Variants in ATR observed in about 807,000 individuals in gnomAD.
The protein encoded by ATR is ATR checkpoint kinase.
ATR carries 142 observed loss-of-function variants against 305.3 expected under a neutral mutation model. That is an observed-to-expected ratio of 0.47 (90% CI 0.41 to 0.53). The LOEUF is 0.53. Among genes scored for constraint, ATR ranks in the 20% least tolerant of loss-of-function variants. ATR has a pLI of 0.00. For missense variants in ATR, 2,135 were observed against 3,133.1 expected, an observed-to-expected ratio of 0.68 and a Z score of 7.60; for synonymous variants, 1,050 against 1,068.1, an observed-to-expected ratio of 0.98 and a Z score of 0.33.
At chr3:142,496,297 T>TGATG in intron 34 of ATR, 64 bp downstream of exon 34, 1 of 118,466 alleles carries the variant, frequency 8.4e-6, no homozygotes, top group Non-Finnish European at 1.4e-5. Flanking sequence ...TATATATATA[T>TGATG]ATATATATAT....
intron 16 of ATR, among the ~76,000 whole-genome samples, chr3:142,543,511 TTC>T (rs976605639): frequency 9.4e-5 from 14 of 148,802 alleles, no homozygotes; most frequent in African/African-American, 2.2e-4. Context: ...TCCTCCCTCT[TTC>T]TCTTTCTTTC....
chr3:142,489,426 A>G (rs1035808977), intron 35 of ATR, among the ~76,000 whole-genome samples: 1 of 152,210 alleles, frequency 6.6e-6, no homozygotes, highest in African/African-American at 2.4e-5. Flanking sequence ...GAACATTCCT[A>G]ACTCTCGAAA....
intron 1 of ATR, among the ~76,000 whole-genome samples, chr3:142,572,122 C>A (rs2035286703): frequency 2.0e-5 from 3 of 149,816 alleles, no homozygotes; most frequent in Non-Finnish European, 3.0e-5. Flanking sequence ...CAGGCTGGAG[C>A]GCAGTGGTGT....
chr3:142,488,194 A>T (rs1016366600), intron 35 of ATR, among the ~76,000 whole-genome samples: 2 of 152,058 alleles, frequency 1.3e-5, no homozygotes, highest in Non-Finnish European at 2.9e-5. Context: ...TTCTTTCCCT[A>T]AGGTTAAGTT....
chr3:142,475,812 T>C (rs1285103145), intron 36 of ATR, among the ~76,000 whole-genome samples: 1 of 152,230 alleles, frequency 6.6e-6, no homozygotes, highest in East Asian at 1.9e-4. Context: ...AGATGGTATC[T>C]CATTGTGGTT....
intron 7 of ATR, 83 bp downstream of exon 7, chr3:142,559,168 T>C: frequency 2.1e-6 from 3 of 1,451,602 alleles, no homozygotes; most frequent in Non-Finnish European, 2.9e-6. Flanking sequence ...AACACGCACT[T>C]AGGCTTCAGG....
chr3:142,571,651 T>C (rs897560835), intron 1 of ATR, among the ~76,000 whole-genome samples: 2 of 152,184 alleles, frequency 1.3e-5, no homozygotes, highest in Non-Finnish European at 2.9e-5. Context: ...CAGTTACTTA[T>C]AAATAATAGC....
intron 45 of ATR, among the ~76,000 whole-genome samples, chr3:142,456,078 G>A (rs1039922170): frequency 6.6e-6 from 1 of 152,318 alleles, no homozygotes; most frequent in African/African-American, 2.4e-5. Flanking sequence ...CACTTTGGGA[G>A]GCTGAGGAAG....
At chr3:142,486,542 T>C (rs2030936618) in intron 35 of ATR, among the ~76,000 whole-genome samples, 1 of 152,128 alleles carries the variant, frequency 6.6e-6, no homozygotes, top group Non-Finnish European at 1.5e-5. Flanking sequence ...AAAATTCACA[T>C]ACTGAAAAAT....
Position 142,562,325 on chromosome 3 carries a change from A to G in ATR, c.1077T>C (p.Ala359=). 1 of 1,614,148 alleles carries G rather than the reference A, an allele frequency of 6.2e-7. No homozygotes were observed. The highest frequency in any genetic ancestry group is 8.5e-7 in the Non-Finnish European group (1 of 1,180,000). ...TGACTTGTAAAGCAGATTCATACCCAGCTGGCACAAATTTAAGGAAATACT... is the reference window on the plus strand; with the variant it reads ...TGACTTGTAAAGCAGATTCATACCCGGCTGGCACAAATTTAAGGAAATACT... ...LLQYFLKFVP[A]GYESALQVRK... The change falls in exon 4 of 47, where the codon GCT becomes GCC. Residue 359 remains alanine, a synonymous_variant. Coordinates refer to ENST00000350721, the MANE Select transcript of ATR (RefSeq NM_001184.4).
chr3:142,463,152 T>G (rs1189946032), intron 41 of ATR, among the ~76,000 whole-genome samples: 1 of 152,166 alleles, frequency 6.6e-6, no homozygotes, highest in Non-Finnish European at 1.5e-5. Context: ...AAAACTATGT[T>G]AGTAAATATG....
Position 142,480,853 on chromosome 3 carries a change from A to G in ATR, c.6221+4287T>C, listed in dbSNP as rs139603892. On this transcript the variant is annotated intron_variant, in intron 36 of 46. Coordinates refer to ENST00000350721, the MANE Select transcript of ATR (RefSeq NM_001184.4). Reference sequence around the variant, plus strand: ...ATCTCAGACTGCTATGCTAGCAATGAGAGAGGCTCCGTGGGCATGGGACCT... The same window carrying G: ...ATCTCAGACTGCTATGCTAGCAATGGGAGAGGCTCCGTGGGCATGGGACCT... Among the ~76,000 whole-genome samples the G allele has an allele frequency of 3.3e-5, 5 of 152,274 alleles. No homozygotes were observed. In the East Asian group the frequency reaches 9.7e-4, roughly 29 times the overall value.
In ATR at chr3:142,493,252, T is replaced by C. The variant is rs1217687427; in HGVS notation, c.5958A>G (p.Glu1986=). Residue 1986 remains glutamate (E), a synonymous_variant, in exon 35 of 47, where the codon GAA becomes GAG. Coordinates refer to ENST00000350721, the MANE Select transcript of ATR (RefSeq NM_001184.4). The part of the protein sequence containing the change: ...LQKGVELCFP[E]NETPPEGKNM... ...TCTTACCCTCAGGTGGGGTTTCATT[T>C]TCAGGAAAACATAATTCAACACCTT... 6.2e-6 allele frequency: 10 copies of C among 1,613,884 alleles called. No homozygotes were observed. The highest frequency in any genetic ancestry group is 4.4e-5 in the South Asian group (4 of 91,018).
intron 36 of ATR, among the ~76,000 whole-genome samples, chr3:142,475,147 G>A (rs1044161427): frequency 2.6e-5 from 4 of 152,008 alleles, no homozygotes; most frequent in Non-Finnish European, 5.9e-5. Flanking sequence ...TGTGCACAAC[G>A]TGCAGGTTTT....
Position 142,459,108 on chromosome 3 carries a change from G to A in ATR, c.7353C>T (p.Tyr2451=), listed in dbSNP as rs1256278423. ...AACGGCAGTAAGCTGATCTACTACT[G>A]TACCTAAAAGAAACACAATGCCTAT... ...LRTFPDPTSW[Y]SSRSAYCRST... The change falls in exon 44 of 47, where the codon TAC becomes TAT. Residue 2451 remains tyrosine, a synonymous_variant. Coordinates refer to ENST00000350721, the MANE Select transcript of ATR (RefSeq NM_001184.4). 1 of 1,613,848 alleles carries A rather than the reference G, an allele frequency of 6.2e-7. No homozygotes were observed.
intron 15 of ATR, 86 bp from the exon 16 acceptor site, chr3:142,547,996 A>G: frequency 8.5e-7 from 1 of 1,178,444 alleles, no homozygotes; most frequent in South Asian, 1.3e-5. Context: ...TGCTATTAGT[A>G]CATCAGGAGC....
At chr3:142,502,088 G>A (rs575229709) in intron 30 of ATR, among the ~76,000 whole-genome samples, 1 of 152,226 alleles carries the variant, frequency 6.6e-6, no homozygotes, top group Non-Finnish European at 1.5e-5. Flanking sequence ...ATGTAGAAGG[G>A]GCTGCAGAGA....
At chr3:142,578,574 G>T in intron 1 of ATR, 72 bp downstream of exon 1, 1 of 1,509,880 alleles carries the variant, frequency 6.6e-7, no homozygotes, top group Non-Finnish European at 9.1e-7. Flanking sequence ...CAGCAGGGGA[G>T]GGGAGAGCAC....
intron 35 of ATR, among the ~76,000 whole-genome samples, chr3:142,490,848 T>G (rs2031235894): frequency 6.6e-6 from 1 of 152,164 alleles, no homozygotes; most frequent in African/African-American, 2.4e-5. Flanking sequence ...TTTGAATAGT[T>G]TATAATCTTT....
Sources: gnomAD v4.1 joint callset for allele counts (sites outside exome capture counted in the v4.1 genomes callset) on GRCh38, gnomAD v4.1.1 for gene constraint, MANE v1.5 for transcripts, NCBI Gene and HGNC (gene_info 2026-07-23, HGNC 2026-07-21) for gene names.